IMMP2L: variants seen among roughly 807,000 people sequenced by gnomAD.
IMMP2L encodes inner mitochondrial membrane peptidase subunit 2.
Under a neutral mutation model 19.3 loss-of-function variants are expected in IMMP2L, and 18 were observed. That is an observed-to-expected ratio of 0.93 (90% CI 0.64 to 1.38). The LOEUF (loss-of-function observed/expected upper bound fraction) is 1.38. Ranked by LOEUF, IMMP2L falls within the 40% of genes most tolerant of loss-of-function variation. The pLI, the probability that IMMP2L is intolerant of heterozygous loss-of-function variation, is 0.00. For missense variants in IMMP2L, 233 were observed against 218.2 expected (o/e 1.07, Z -0.43); for synonymous variants, 76 against 73.0 (o/e 1.04, Z -0.21).
At chr7:111,507,051 G>A (rs899461170) in intron 2 of IMMP2L, among the ~76,000 whole-genome samples, 1 of 151,620 alleles carries the variant, frequency 6.6e-6, no homozygotes, top group Non-Finnish European at 1.5e-5. Flanking sequence ...CAGTTGCCCA[G>A]GTTGGTCTCA....
At chr7:111,217,126 T>TCTCACACACACACACA (rs1472700586) in intron 3 of IMMP2L, among the ~76,000 whole-genome samples, 9 of 124,068 alleles carry the variant, frequency 7.3e-5, no homozygotes, top group African/African-American at 2.8e-4. Flanking sequence ...TCTCTCTCTC[T>TCTCACACACACACACA]CACACACACA....
chr7:111,323,423 A>C (rs1457340907), intron 3 of IMMP2L, among the ~76,000 whole-genome samples: 2 of 152,138 alleles, frequency 1.3e-5, no homozygotes, highest in African/African-American at 2.4e-5. Context: ...GAGAAATGCA[A>C]ATCAAAACCC....
intron 5 of IMMP2L, among the ~76,000 whole-genome samples, chr7:110,835,274 G>A (rs184331457): frequency 6.6e-6 from 1 of 152,296 alleles, no homozygotes; most frequent in East Asian, 1.9e-4. Context: ...CTGGGAGAGA[G>A]GGTAGTATGA....
intron 3 of IMMP2L, among the ~76,000 whole-genome samples, chr7:111,110,727 T>C (rs1799099195): frequency 6.6e-6 from 1 of 152,182 alleles, no homozygotes; most frequent in Non-Finnish European, 1.5e-5. Context: ...ATGTGAACTA[T>C]TTCTGCAGTA....
intron 3 of IMMP2L, among the ~76,000 whole-genome samples, chr7:111,304,670 A>ATGTGTGTG (rs147788856): frequency 0.037 from 4,676 of 125,962 alleles, 152 homozygotes; most frequent in East Asian, 0.12. Context: ...CACATATATA[A>ATGTGTGTG]TGTGTGTGTG....
intron 3 of IMMP2L, among the ~76,000 whole-genome samples, chr7:111,130,321 T>C (rs1208891334): frequency 5.1e-4 from 78 of 152,100 alleles, no homozygotes; most frequent in Non-Finnish European, 2.9e-5. Flanking sequence ...AGTAACAGCA[T>C]AGCAAAAAGA....
intron 4 of IMMP2L, among the ~76,000 whole-genome samples, chr7:110,889,074 G>A (rs1810515954): frequency 6.6e-6 from 1 of 152,168 alleles, no homozygotes; most frequent in Non-Finnish European, 1.5e-5. Flanking sequence ...AAGTTACTTA[G>A]AGTTTCTACC....
chr7:111,279,991 C>T (rs150763316), intron 3 of IMMP2L, among the ~76,000 whole-genome samples: 236 of 152,188 alleles, frequency 1.6e-3, no homozygotes, highest in African/African-American at 5.2e-3. Context: ...CTACTCTTGC[C>T]TATTCAAACT....
intron 3 of IMMP2L, among the ~76,000 whole-genome samples, chr7:111,149,677 C>T (rs1803864094): frequency 6.6e-6 from 1 of 152,078 alleles, no homozygotes; most frequent in African/African-American, 2.4e-5. Flanking sequence ...AAAAAATCCA[C>T]GTACAGACGG....
intron 3 of IMMP2L, chr7:111,391,902 G>A (rs760865272): frequency 7.1e-6 from 5 of 702,620 alleles, no homozygotes; most frequent in South Asian, 5.9e-5. Context: ...GGATGACATT[G>A]AGCACTGCCC....
intron 3 of IMMP2L, among the ~76,000 whole-genome samples, chr7:111,250,710 A>G (rs1408473918): frequency 6.6e-6 from 1 of 152,128 alleles, no homozygotes; most frequent in Admixed American, 6.6e-5. Flanking sequence ...TATGCAGAAA[A>G]TTAAAACTGG....
chr7:110,901,727 C>T (rs568789372), intron 4 of IMMP2L, among the ~76,000 whole-genome samples: 18 of 152,230 alleles, frequency 1.2e-4, no homozygotes, highest in African/African-American at 4.3e-4. Flanking sequence ...CTATTTGTTG[C>T]TATCCTGATT....
In IMMP2L at chr7:111,527,276, G is replaced by T. The variant is rs538796090; in HGVS notation, c.-2-5827C>A. Among the ~76,000 whole-genome samples the T allele has an allele frequency of 4.5e-4, 68 of 152,090 alleles. 1 individual carries two copies. The highest frequency in any genetic ancestry group is 1.2e-3 in the Admixed American group (19 of 15,278). Reference sequence around the variant, plus strand: ...CTCTAAAAATTTAAAAATTAGCAAGGCATGGTAGCATACACCTGTAGTCCT... The same window carrying T: ...CTCTAAAAATTTAAAAATTAGCAAGTCATGGTAGCATACACCTGTAGTCCT... On this transcript the variant is annotated intron_variant, in intron 1 of 5. Coordinates refer to ENST00000405709, the MANE Select transcript of IMMP2L (RefSeq NM_032549.4).
In IMMP2L at chr7:111,007,674, TATGTACACATATAGACATGC is replaced by T. The variant is rs1824446345; in HGVS notation, c.240-44129_240-44110del. Among the ~76,000 whole-genome samples, 11 of 152,214 alleles carry T rather than the reference TATGTACACATATAGACATGC, an allele frequency of 7.2e-5. No individual in the cohort carries two copies. The South Asian group carries it at 2.3e-3, about 32-fold the overall frequency. On this transcript the variant is annotated intron_variant, in intron 3 of 5. Transcript: ENST00000405709. The stretch of plus-strand genomic sequence containing the variant: ...GTACGTATGTACACATATAGACATG[TATGTACACATATAGACATGC>T]ATGTATGTCTGTGCATACATACTTA...
intron 3 of IMMP2L, among the ~76,000 whole-genome samples, chr7:111,153,683 C>T (rs1181314944): frequency 2.0e-5 from 3 of 151,848 alleles, no homozygotes; most frequent in African/African-American, 7.3e-5. Context: ...ATATATACAA[C>T]ACAGGAAAAA....
chr7:111,251,515 A>G lies in IMMP2L; in HGVS notation c.239+235723T>C, dbSNP rs142939725. On this transcript the variant is annotated intron_variant, in intron 3 of 5. Transcript: ENST00000405709. ...ATGGCATCAGCCCAAATGCCCATCA[A>G]TGACAGACTGGATAAAGAAAATGTG... 4.2e-3 allele frequency among the ~76,000 whole-genome samples: 643 copies of G among 152,320 alleles called. 4 individuals carry two copies. The highest frequency in any genetic ancestry group is 0.015 in the African/African-American group (623 of 41,570).
At chr7:111,429,314 C>T (rs887012345) in intron 3 of IMMP2L, among the ~76,000 whole-genome samples, 8 of 151,814 alleles carry the variant, frequency 5.3e-5, no homozygotes, top group Non-Finnish European at 8.8e-5. Context: ...TCTCCAGAAA[C>T]AATTAACCTA....
intron 3 of IMMP2L, among the ~76,000 whole-genome samples, chr7:111,029,176 C>G (rs1286596891): frequency 3.3e-5 from 5 of 152,202 alleles, no homozygotes; most frequent in African/African-American, 1.2e-4. Context: ...GGACATTGAT[C>G]CAATTTCCAT....
At chr7:111,363,327 A>C (rs574600565) in intron 3 of IMMP2L, among the ~76,000 whole-genome samples, 27 of 152,214 alleles carry the variant, frequency 1.8e-4, no homozygotes, top group African/African-American at 6.0e-4. Context: ...ATCAGAATCT[A>C]ATTTTAACAA....
Sources: gnomAD v4.1 joint callset for allele counts (sites outside exome capture counted in the v4.1 genomes callset) on GRCh38, gnomAD v4.1.1 for gene constraint, MANE v1.5 for transcripts, NCBI Gene and HGNC (gene_info 2026-07-23, HGNC 2026-07-21) for gene names.